The following ARHGAP26 variants were observed in gnomAD, a reference collection of about 807,000 sequenced individuals.
ARHGAP26 encodes rho GTPase-activating protein 26.
Under a neutral mutation model 104.8 loss-of-function variants are expected in ARHGAP26, and 38 were observed. That is an observed-to-expected ratio of 0.36 (90% CI 0.28 to 0.48). The LOEUF is 0.48. Among genes scored for constraint, ARHGAP26 ranks in the 20% least tolerant of loss-of-function variants. The pLI is 0.99. For synonymous variants in ARHGAP26, 341 were observed against 340.0 expected, an observed-to-expected ratio of 1.00 and a Z score of -0.03; for missense variants, 704 against 947.9, an observed-to-expected ratio of 0.74 and a Z score of 3.38.
At chr5:142,904,878 C>T (rs771600138) in intron 8 of ARHGAP26, among the ~76,000 whole-genome samples, 12 of 152,170 alleles carry the variant, frequency 7.9e-5, no homozygotes, top group South Asian at 2.1e-4. Context: ...AATAGCTTTC[C>T]GATGGGATAG....
At chr5:143,166,236 G>A in intron 20 of ARHGAP26, 1 of 463,566 alleles carries the variant, frequency 2.2e-6, no homozygotes, top group Non-Finnish European at 3.3e-6. Context: ...AGCCGGAAGA[G>A]CCCACAATTT....
At chr5:143,122,437 A>G (rs374132769) in intron 18 of ARHGAP26, among the ~76,000 whole-genome samples, 42 of 152,308 alleles carry the variant, frequency 2.8e-4, no homozygotes, top group African/African-American at 9.9e-4. Flanking sequence ...TCTCTGTTTA[A>G]AATTATAATC....
At chr5:142,985,768 G>C (rs902303995) in intron 11 of ARHGAP26, among the ~76,000 whole-genome samples, 2 of 150,008 alleles carry the variant, frequency 1.3e-5, no homozygotes, top group African/African-American at 4.9e-5. Context: ...TTGGTTTTCT[G>C]TCCTTGCGAT....
At chr5:142,794,510 T>A (rs1309856710) in intron 1 of ARHGAP26, among the ~76,000 whole-genome samples, 2 of 152,226 alleles carry the variant, frequency 1.3e-5, no homozygotes, top group African/African-American at 4.8e-5. Flanking sequence ...AAAATTACTT[T>A]GGGCGATCAG....
chr5:143,003,498 G>T (rs151133517), intron 11 of ARHGAP26, among the ~76,000 whole-genome samples: 2 of 152,128 alleles, frequency 1.3e-5, no homozygotes, highest in East Asian at 3.8e-4. Context: ...TTTAGATGCC[G>T]CATAGATCAC....
At chr5:143,081,978 C>G (rs1441121315) in intron 17 of ARHGAP26, among the ~76,000 whole-genome samples, 1 of 144,492 alleles carries the variant, frequency 6.9e-6, no homozygotes, top group African/African-American at 2.6e-5. Flanking sequence ...CCACTGCGCT[C>G]CAGCCTGGGT....
chr5:142,818,944 C>A (rs758613077), intron 1 of ARHGAP26, among the ~76,000 whole-genome samples: 3 of 152,086 alleles, frequency 2.0e-5, no homozygotes, highest in Non-Finnish European at 2.9e-5. Flanking sequence ...GAAGGGTGCT[C>A]ACCCAGCTTC....
At chr5:143,120,146 G>A (rs2150782982) in intron 17 of ARHGAP26, among the ~76,000 whole-genome samples, 1 of 152,290 alleles carries the variant, frequency 6.6e-6, no homozygotes, top group African/African-American at 2.4e-5. Flanking sequence ...CTTATTTGTT[G>A]CCAAGTAGAT....
At chr5:142,821,310 T>C (rs1351526880) in intron 1 of ARHGAP26, among the ~76,000 whole-genome samples, 1 of 149,416 alleles carries the variant, frequency 6.7e-6, no homozygotes, top group Admixed American at 6.6e-5. Flanking sequence ...GTTTTTTTTT[T>C]TTTTTTTTTT....
intron 1 of ARHGAP26, among the ~76,000 whole-genome samples, chr5:142,829,587 TG>T (rs1767991278): frequency 6.6e-6 from 1 of 152,228 alleles, no homozygotes; most frequent in South Asian, 2.1e-4. Flanking sequence ...GTGATATAAT[TG>T]GTATTTATCT....
At chr5:142,885,206 T>C in intron 4 of ARHGAP26, 92 bp from the exon 5 acceptor site, 2 of 1,035,374 alleles carry the variant, frequency 1.9e-6, no homozygotes, top group South Asian at 2.7e-5. Flanking sequence ...TCGTCATCTG[T>C]GTTCTGAGCA....
At chr5:143,146,817 G>A (rs957231381) in intron 19 of ARHGAP26, among the ~76,000 whole-genome samples, 1 of 152,210 alleles carries the variant, frequency 6.6e-6, no homozygotes, top group Non-Finnish European at 1.5e-5. Context: ...AGCAATATTA[G>A]AGGCAGGAGT....
chr5:143,039,938 A>T (rs1321376050), intron 13 of ARHGAP26, among the ~76,000 whole-genome samples: 2 of 152,234 alleles, frequency 1.3e-5, no homozygotes, highest in Non-Finnish European at 2.9e-5. Flanking sequence ...GGACAGTATG[A>T]GTTAGGTGCC....
chr5:143,042,035 G>A (rs1462821231), intron 14 of ARHGAP26, 145 bp downstream of exon 14: 29 of 684,734 alleles, frequency 4.2e-5, no homozygotes, highest in Non-Finnish European at 2.6e-6. Flanking sequence ...TGCCCCATCG[G>A]TCAGTTGTCA....
intron 14 of ARHGAP26, among the ~76,000 whole-genome samples, chr5:143,050,198 G>C (rs1165200319): frequency 6.6e-6 from 1 of 152,194 alleles, no homozygotes; most frequent in East Asian, 1.9e-4. Flanking sequence ...TGGATATCCT[G>C]GTGGCAGGAG....
At chr5:143,095,364 TA>T (rs1166330886) in intron 17 of ARHGAP26, among the ~76,000 whole-genome samples, 1 of 152,180 alleles carries the variant, frequency 6.6e-6, no homozygotes, top group Non-Finnish European at 1.5e-5. Flanking sequence ...ACTATATTCT[TA>T]ACTCAGCAGT....
At chr5:142,927,879 A>G (rs1266858054) in intron 10 of ARHGAP26, among the ~76,000 whole-genome samples, 1 of 152,106 alleles carries the variant, frequency 6.6e-6, no homozygotes, top group Non-Finnish European at 1.5e-5. Context: ...GTTATATCTC[A>G]TTGTGGTTTT....
chr5:143,146,351 C>G (rs1799154248), intron 19 of ARHGAP26, among the ~76,000 whole-genome samples: 1 of 152,170 alleles, frequency 6.6e-6, no homozygotes, highest in African/African-American at 2.4e-5. Context: ...ACATTCCTGC[C>G]TATGATCCCA....
chr5:143,003,370 A>G lies in ARHGAP26; in HGVS notation c.1108-10710A>G, dbSNP rs182961874. Reference sequence around the variant, plus strand: ...TGCCATAAGGATAATTTGCTCATCAAGGTCATCATGACCTGCCTCTGACCT... The same window carrying G: ...TGCCATAAGGATAATTTGCTCATCAGGGTCATCATGACCTGCCTCTGACCT... On this transcript the variant is annotated intron_variant, in intron 11 of 22. Transcript: ENST00000645722. 1.4e-4 allele frequency among the ~76,000 whole-genome samples: 22 copies of G among 152,326 alleles called. No individual in the cohort carries two copies. The East Asian group carries it at 4.2e-3, about 29-fold the overall frequency.
Sources: gnomAD v4.1 joint callset for allele counts (sites outside exome capture counted in the v4.1 genomes callset) on GRCh38, gnomAD v4.1.1 for gene constraint, MANE v1.5 for transcripts, NCBI Gene and HGNC (gene_info 2026-07-23, HGNC 2026-07-21) for gene names.